Variants in SUGCT observed in about 807,000 individuals in gnomAD.
The protein encoded by SUGCT is succinyl-CoA:glutarate CoA-transferase.
A neutral mutation model predicts 55.0 loss-of-function variants in SUGCT; 41 were observed. The ratio of observed to expected loss-of-function variants is 0.74; its 90% CI spans 0.58 to 0.97. The LOEUF (loss-of-function observed/expected upper bound fraction) is 0.97, where lower values mean the gene tolerates loss of function less well. Ranked by LOEUF, SUGCT falls within the 50% of genes least tolerant of loss-of-function variation. The pLI, the probability that SUGCT is intolerant of heterozygous loss-of-function variation, is 0.00. For missense variants in SUGCT, 568 were observed against 547.8 expected (o/e 1.04, Z -0.37); for synonymous variants, 187 against 200.4 (o/e 0.93, Z 0.56).
At chr7:40,837,527 A>G (rs543031295) in intron 13 of SUGCT, among the ~76,000 whole-genome samples, 2 of 152,092 alleles carry the variant, frequency 1.3e-5, no homozygotes, top group Non-Finnish European at 2.9e-5. Flanking sequence ...TTTTTCTCCT[A>G]TGTTTTTATT....
At chr7:40,406,547 A>G (rs2151332121) in intron 9 of SUGCT, among the ~76,000 whole-genome samples, 1 of 152,320 alleles carries the variant, frequency 6.6e-6, no homozygotes, top group South Asian at 2.1e-4. Context: ...AGATGGAGAC[A>G]GGTCAGATTT....
the SUGCT span, among the ~76,000 whole-genome samples, chr7:40,957,009 G>T: frequency 6.6e-6 from 1 of 152,060 alleles, no homozygotes; most frequent in Non-Finnish European, 1.5e-5. Context: ...CTGTTCTTTT[G>T]CATTTGTTAA....
At chr7:40,775,929 GT>G (rs1789425628) in intron 13 of SUGCT, among the ~76,000 whole-genome samples, 1 of 152,126 alleles carries the variant, frequency 6.6e-6, no homozygotes. Context: ...TTTTTCCAAA[GT>G]TTGTGTTCTA....
At chr7:40,179,471 T>C (rs1254076682) in intron 1 of SUGCT, among the ~76,000 whole-genome samples, 1 of 151,844 alleles carries the variant, frequency 6.6e-6, no homozygotes, top group Non-Finnish European at 1.5e-5. Flanking sequence ...TTTTGCATTT[T>C]TAGTGGAGAC....
chr7:40,806,599 G>C (rs1167274505), intron 13 of SUGCT, among the ~76,000 whole-genome samples: 2 of 151,614 alleles, frequency 1.3e-5, no homozygotes, highest in African/African-American at 2.4e-5. Context: ...TATTTGTTTT[G>C]TTAGGAAAAA....
intron 12 of SUGCT, among the ~76,000 whole-genome samples, chr7:40,609,058 G>A (rs968701079): frequency 1.3e-5 from 2 of 152,134 alleles, no homozygotes; most frequent in Non-Finnish European, 2.9e-5. Context: ...GGAATAACAT[G>A]AGCTTTGCAA....
intron 12 of SUGCT, among the ~76,000 whole-genome samples, chr7:40,557,158 T>C (rs566226291): frequency 6.6e-6 from 1 of 152,232 alleles, no homozygotes; most frequent in African/African-American, 2.4e-5. Flanking sequence ...ACTAATGTAA[T>C]AGAATTGAGA....
intron 7 of SUGCT, among the ~76,000 whole-genome samples, 196 bp from the exon 8 acceptor site, chr7:40,274,317 A>T (rs550147092): frequency 8.5e-5 from 13 of 152,102 alleles, no homozygotes; most frequent in Non-Finnish European, 1.6e-4. Flanking sequence ...TGAGAAGTAT[A>T]TAGTAAATAT....
At chr7:40,231,145 C>T (rs1788699799) in intron 6 of SUGCT, among the ~76,000 whole-genome samples, 1 of 152,142 alleles carries the variant, frequency 6.6e-6, no homozygotes, top group Non-Finnish European at 1.5e-5. Flanking sequence ...CTCAGAAACT[C>T]AGTTGCCAGG....
At chr7:40,753,474 C>T (rs1439951395) in intron 13 of SUGCT, among the ~76,000 whole-genome samples, 1 of 152,182 alleles carries the variant, frequency 6.6e-6, no homozygotes, top group East Asian at 1.9e-4. Context: ...TTCACGTTTA[C>T]AGTAACAATC....
At chr7:40,628,157 T>A (rs1364490957) in intron 12 of SUGCT, among the ~76,000 whole-genome samples, 1 of 152,260 alleles carries the variant, frequency 6.6e-6, no homozygotes, top group East Asian at 1.9e-4. Context: ...CATATCCACA[T>A]ATCTGTTATT....
chr7:40,226,053 G>A (rs1170771096), intron 6 of SUGCT, among the ~76,000 whole-genome samples: 1 of 152,096 alleles, frequency 6.6e-6, no homozygotes, highest in Non-Finnish European at 1.5e-5. Flanking sequence ...TTGACCTTAT[G>A]GAGTCTTTGG....
intron 12 of SUGCT, among the ~76,000 whole-genome samples, chr7:40,613,866 CG>C (rs1393822254): frequency 6.6e-6 from 1 of 152,192 alleles, no homozygotes; most frequent in African/African-American, 2.4e-5. Flanking sequence ...CTCGGCCTCC[CG>C]AAGTGCTGTG....
chr7:40,628,155 C>T (rs1456881236), intron 12 of SUGCT, among the ~76,000 whole-genome samples: 3 of 152,210 alleles, frequency 2.0e-5, no homozygotes, highest in African/African-American at 7.2e-5. Context: ...ACCATATCCA[C>T]ATATCTGTTA....
At chr7:40,895,626 T>G in the SUGCT span, among the ~76,000 whole-genome samples, 123 of 152,050 alleles carry the variant, frequency 8.1e-4, no homozygotes, top group South Asian at 0.024. Context: ...GAAAAAAAAT[T>G]TGAAAAAATT....
At chr7:40,800,156 G>A (rs576314749) in intron 13 of SUGCT, among the ~76,000 whole-genome samples, 47 of 152,050 alleles carry the variant, frequency 3.1e-4, no homozygotes, top group Non-Finnish European at 6.2e-4. Flanking sequence ...TTTACATAAC[G>A]TTGGGGGCTG....
intron 8 of SUGCT, among the ~76,000 whole-genome samples, chr7:40,309,197 C>G (rs1243002393): frequency 6.6e-6 from 1 of 152,202 alleles, no homozygotes; most frequent in Admixed American, 6.5e-5. Flanking sequence ...GTACCTTACC[C>G]TAGAATGTAA....
chr7:40,851,058 A>G lies in SUGCT; in HGVS notation c.1154-9258A>G, dbSNP rs1424223694. Among the ~76,000 whole-genome samples, 12 of 152,318 alleles carry G rather than the reference A, an allele frequency of 7.9e-5. No homozygotes were observed. In the East Asian group the frequency reaches 1.7e-3, roughly 22 times the overall value. On this transcript the variant is annotated intron_variant, in intron 13 of 13. Transcript: ENST00000335693. ...CCAGTGTCATGCCCATTTTACATGTAAAGATACTGAGGCACAGGTTCAGTA... is the reference window on the plus strand; with the variant it reads ...CCAGTGTCATGCCCATTTTACATGTGAAGATACTGAGGCACAGGTTCAGTA...
intron 9 of SUGCT, among the ~76,000 whole-genome samples, chr7:40,333,679 A>ATG (rs1796483563): frequency 2.0e-5 from 2 of 98,710 alleles, no homozygotes; most frequent in Non-Finnish European, 4.1e-5. Context: ...ATATATATAT[A>ATG]TATATATATA....
Sources: gnomAD v4.1 joint callset for allele counts (sites outside exome capture counted in the v4.1 genomes callset) on GRCh38, gnomAD v4.1.1 for gene constraint, MANE v1.5 for transcripts, NCBI Gene and HGNC (gene_info 2026-07-23, HGNC 2026-07-21) for gene names.